The following SSPN variants were observed in gnomAD, a reference collection of about 807,000 sequenced individuals.
The protein encoded by SSPN is K-ras oncogene-associated protein.
In SSPN, 15 loss-of-function variants were observed where a neutral mutation model predicts 19.1. The ratio of observed to expected loss-of-function variants is 0.78; its 90% CI spans 0.52 to 1.21. The LOEUF (loss-of-function observed/expected upper bound fraction) is 1.21, where lower values mean the gene tolerates loss of function less well. SSPN is among the 50% of genes most tolerant of loss of function. The pLI is 0.00. For missense variants in SSPN, 291 were observed against 314.0 expected (o/e 0.93, Z 0.55); for synonymous variants, 147 against 140.3 (o/e 1.05, Z -0.34).
chr12:26,161,541 A>G (rs1308835619), intron 1 of SSPN, among the ~76,000 whole-genome samples: 1 of 152,138 alleles, frequency 6.6e-6, no homozygotes, highest in Non-Finnish European at 1.5e-5. Flanking sequence ...CTCATTGCTT[A>G]TCATTTCTTA....
At chr12:26,160,895 G>A (rs1172074800) in intron 1 of SSPN, among the ~76,000 whole-genome samples, 2 of 151,926 alleles carry the variant, frequency 1.3e-5, no homozygotes, top group African/African-American at 4.8e-5. Flanking sequence ...ATCACTTGAG[G>A]TCAGGAGTTC....
chr12:26,129,938 C>A (rs1398290122), intron 1 of SSPN, among the ~76,000 whole-genome samples: 2 of 152,126 alleles, frequency 1.3e-5, no homozygotes, highest in Non-Finnish European at 1.5e-5. Context: ...TCTTAACATA[C>A]AAAAGACAAC....
chr12:26,222,448 G>GC (rs1304502893), intron 1 of SSPN, among the ~76,000 whole-genome samples: 1 of 152,182 alleles, frequency 6.6e-6, no homozygotes, highest in Non-Finnish European at 1.5e-5. Flanking sequence ...TTTGAAGCTG[G>GC]CCCTGGGGTA....
chr12:26,209,367 T>C (rs1339094876), intron 1 of SSPN, among the ~76,000 whole-genome samples: 1 of 152,156 alleles, frequency 6.6e-6, no homozygotes, highest in Non-Finnish European at 1.5e-5. Flanking sequence ...TTTAGGGTTC[T>C]ATACTCAATT....
At chr12:26,152,091 C>T (rs1363660217) in intron 1 of SSPN, among the ~76,000 whole-genome samples, 1 of 152,122 alleles carries the variant, frequency 6.6e-6, no homozygotes, top group African/African-American at 2.4e-5. Context: ...TGACATTTCC[C>T]TCATCATTTT....
chr12:26,191,231 A>G (rs1205699296), upstream of SSPN, among the ~76,000 whole-genome samples: 1 of 152,250 alleles, frequency 6.6e-6, no homozygotes, highest in Non-Finnish European at 1.5e-5. Context: ...TCAAAATTAC[A>G]TGTAGAAAAA....
rs894392446 is a variant in SSPN at position 26,234,655 on chromosome 12, T to C, written c.*3579T>C. The C allele has an allele frequency of 1.3e-5, 2 of 152,244 alleles. No individual in the cohort carries two copies. The highest frequency in any genetic ancestry group is 4.8e-5 in the African/African-American group (2 of 41,466). 9.4% of individuals were successfully genotyped at this position (152,244 alleles called of 1,614,324 possible). A position where few individuals can be genotyped will look rare whatever the true frequency, so the allele number is the denominator to read the frequency against. ...CTTTGGTGTTGTGGATTCATTTTTC[T>C]GGCATTGATCAAATAGCAAATACAA... is the stretch of plus-strand genomic sequence containing the variant. On this transcript the variant is annotated 3_prime_UTR_variant, in exon 3 of 3. Coordinates refer to ENST00000242729, the MANE Select transcript of SSPN (RefSeq NM_005086.5).
intron 1 of SSPN, among the ~76,000 whole-genome samples, chr12:26,181,550 T>A (rs1030990970): frequency 6.6e-5 from 10 of 152,228 alleles, no homozygotes; most frequent in Non-Finnish European, 1.2e-4. Context: ...GTGCTATAGA[T>A]CAGTTTACAA....
intron 1 of SSPN, among the ~76,000 whole-genome samples, chr12:26,177,044 C>G (rs1003349194): frequency 1.3e-5 from 2 of 151,866 alleles, no homozygotes; most frequent in African/African-American, 4.8e-5. Flanking sequence ...GGACTTTATT[C>G]TTAAGGTAAT....
At chr12:26,205,856 T>C (rs1433923550) in intron 1 of SSPN, among the ~76,000 whole-genome samples, 2 of 152,192 alleles carry the variant, frequency 1.3e-5, no homozygotes, top group African/African-American at 4.8e-5. Flanking sequence ...CCAGGCTCTT[T>C]GGTAGTCAGG....
Position 26,230,974 on chromosome 12 carries a change from G to A in SSPN, c.630G>A (p.Leu210=). The A allele has an allele frequency of 6.2e-7, 1 of 1,614,204 alleles. No individual in the cohort carries two copies. The highest frequency in any genetic ancestry group is 1.3e-5 in the African/African-American group (1 of 75,050). ...ILNLVCGLVC[L]LACFVMWKHR... is the part of the protein sequence containing the mutation. ...ATTTGGTCTGCGGCCTTGTGTGCTT[G>A]TTGGCCTGCTTTGTGATGTGGAAAC... The change falls in exon 3 of 3, where the codon TTG becomes TTA. Residue 210 remains leucine (L), a synonymous_variant. Coordinates refer to ENST00000242729, the MANE Select transcript of SSPN (RefSeq NM_005086.5).
At chr12:26,205,767 AC>A (rs1484632186) in intron 1 of SSPN, among the ~76,000 whole-genome samples, 1 of 152,196 alleles carries the variant, frequency 6.6e-6, no homozygotes, top group Non-Finnish European at 1.5e-5. Flanking sequence ...TTTCTTCATG[AC>A]CGCATACAGA....
rs1555177709 is a variant in SSPN at position 26,174,503 on chromosome 12, CCCTT to C, written c.-30-49765_-30-49762del. Among the ~76,000 whole-genome samples the C allele has an allele frequency of 6.9e-3, 853 of 123,822 alleles. 2 individuals carry two copies. The highest frequency in any genetic ancestry group is 0.012 in the African/African-American group (331 of 27,860). 81.2% of individuals were successfully genotyped at this position (123,822 alleles called of 152,430 possible). ...TCCTTCCTTCCTTCCTTCCTTCCTT[CCCTT>C]CCTTCCTTCCTTCCTTCCTTCCTTT... On this transcript the variant is annotated intron_variant, in intron 1 of 2. Transcript: ENST00000538142.
At chr12:26,122,243 C>T (rs983513377) in intron 1 of SSPN, 20 of 1,276,854 alleles carry the variant, frequency 1.6e-5, no homozygotes, top group Non-Finnish European at 1.9e-5. Context: ...CGCCCGCCTT[C>T]TCGGGAGGGG....
chr12:26,216,817 T>C (rs2137493980), intron 1 of SSPN, among the ~76,000 whole-genome samples: 1 of 124,608 alleles, frequency 8.0e-6, no homozygotes, highest in South Asian at 3.4e-4. Context: ...CCCAGCACCA[T>C]TTATTAAATA....
At chr12:26,220,972 C>T (rs953481438) in intron 1 of SSPN, among the ~76,000 whole-genome samples, 2 of 152,196 alleles carry the variant, frequency 1.3e-5, no homozygotes, top group African/African-American at 4.8e-5. Context: ...CCAAGAATTG[C>T]TCCCATCCAA....
chr12:26,124,267 C>T (rs1944342652), intron 1 of SSPN: 2 of 641,632 alleles, frequency 3.1e-6, no homozygotes, highest in Non-Finnish European at 2.6e-6. Flanking sequence ...CCCCCGCCCC[C>T]CCACCATAAA....
intron 1 of SSPN, among the ~76,000 whole-genome samples, chr12:26,156,198 C>T (rs1046035688): frequency 2.0e-5 from 3 of 152,150 alleles, no homozygotes; most frequent in African/African-American, 7.2e-5. Context: ...GTGAAGTAGA[C>T]ATGACTTCCG....
At chr12:26,221,533 G>C (rs966032159) in intron 1 of SSPN, among the ~76,000 whole-genome samples, 2 of 152,194 alleles carry the variant, frequency 1.3e-5, no homozygotes, top group Non-Finnish European at 2.9e-5. Context: ...AAATGCTCTA[G>C]AATGAGGTCA....
Sources: gnomAD v4.1 joint callset for allele counts (sites outside exome capture counted in the v4.1 genomes callset) on GRCh38, gnomAD v4.1.1 for gene constraint, MANE v1.5 for transcripts, NCBI Gene and HGNC (gene_info 2026-07-23, HGNC 2026-07-21) for gene names.